ITPR2: variants seen among roughly 807,000 people sequenced by gnomAD.
The protein encoded by ITPR2 is inositol 1,4,5-trisphosphate receptor type 2.
In ITPR2, 207 loss-of-function variants were observed where a neutral mutation model predicts 317.1. The ratio of observed to expected loss-of-function variants is 0.65; its 90% CI spans 0.58 to 0.73. The LOEUF (loss-of-function observed/expected upper bound fraction) is 0.73, where lower values mean the gene tolerates loss of function less well. Ranked by LOEUF, ITPR2 falls within the 30% of genes least tolerant of loss-of-function variation. The probability of loss-of-function intolerance (pLI) is 0.00; values close to 1 mark genes in which losing one functional copy is unlikely to be tolerated. For synonymous variants in ITPR2, 1,156 were observed against 1,149.1 expected, an observed-to-expected ratio of 1.01 and a Z score of -0.12; for missense variants, 2,613 against 3,284.0, an observed-to-expected ratio of 0.80 and a Z score of 4.99.
chr12:26,613,068 A>G (rs904760746), intron 26 of ITPR2, among the ~76,000 whole-genome samples: 1 of 152,160 alleles, frequency 6.6e-6, no homozygotes, highest in Non-Finnish European at 1.5e-5. Flanking sequence ...TCGTTCGTTG[A>G]GGGCAAGTAG....
chr12:26,760,401 A>C (rs1244014026), intron 2 of ITPR2, among the ~76,000 whole-genome samples: 2 of 152,216 alleles, frequency 1.3e-5, no homozygotes, highest in African/African-American at 4.8e-5. Context: ...CCATCATTTT[A>C]CAGTATGTAC....
At position 26,340,134 on chromosome 12, in the gene ITPR2, C is replaced by G. The variant is rs771814238; in HGVS notation, c.8019+33G>C. On this transcript the variant is annotated intron_variant, in intron 56 of 56. Transcript: ENST00000381340. The stretch of plus-strand genomic sequence containing the variant: ...CACCGGAAGTGGTGAATGACTTTAT[C>G]CCACCCAGCCCCATCTCCCTGAATG... 8 of 1,548,266 alleles carry G rather than the reference C, an allele frequency of 5.2e-6. No individual in the cohort carries two copies. In the Admixed American group the frequency reaches 1.3e-4, roughly 26 times the overall value.
chr12:26,492,739 T>C (rs889326043), intron 39 of ITPR2, among the ~76,000 whole-genome samples: 4 of 152,182 alleles, frequency 2.6e-5, no homozygotes, highest in African/African-American at 7.2e-5. Flanking sequence ...TAAGTTTTGG[T>C]GTTCTACTGT....
chr12:26,632,948 G>A (rs10466759), intron 21 of ITPR2, among the ~76,000 whole-genome samples: 126,272 of 152,168 alleles, frequency 0.83, 52,641 homozygotes, highest in East Asian at 0.97. Context: ...AGTTCCCACA[G>A]GAAGCAATAA....
chr12:26,515,524 G>A (rs1004170647), intron 37 of ITPR2, among the ~76,000 whole-genome samples: 15 of 151,964 alleles, frequency 9.9e-5, no homozygotes, highest in African/African-American at 3.6e-4. Context: ...AAAAGAAGGA[G>A]AAGAAAATAA....
intron 45 of ITPR2, among the ~76,000 whole-genome samples, chr12:26,457,860 T>C (rs1264153429): frequency 2.0e-5 from 3 of 152,170 alleles, no homozygotes; most frequent in African/African-American, 7.2e-5. Context: ...ACTTTATGAA[T>C]ATTTACCTCA....
chr12:26,670,296 C>G (rs985269278), intron 13 of ITPR2, among the ~76,000 whole-genome samples: 2 of 152,162 alleles, frequency 1.3e-5, no homozygotes, highest in Non-Finnish European at 2.9e-5. Context: ...TGGGAGGCAC[C>G]CCCCAGTAGG....
intron 37 of ITPR2, among the ~76,000 whole-genome samples, chr12:26,541,357 C>T (rs934996232): frequency 3.3e-5 from 5 of 151,834 alleles, no homozygotes; most frequent in African/African-American, 4.8e-5. Context: ...GTGCACACAA[C>T]CACAATATAC....
intron 19 of ITPR2, 113 bp from the exon 20 acceptor site, chr12:26,655,965 C>G: frequency 9.3e-7 from 1 of 1,070,878 alleles, no homozygotes; most frequent in Non-Finnish European, 1.4e-6. Flanking sequence ...GTTAGCTTTC[C>G]TAGAGGCTGG....
At chr12:26,446,664 T>C (rs1337874265) in intron 45 of ITPR2, among the ~76,000 whole-genome samples, 2 of 147,234 alleles carry the variant, frequency 1.4e-5, no homozygotes, top group African/African-American at 2.5e-5. Context: ...CTCCCTCCCA[T>C]TGACTTAATG....
intron 15 of ITPR2, 141 bp downstream of exon 15, chr12:26,663,544 T>A: frequency 1.3e-6 from 1 of 788,404 alleles, no homozygotes; most frequent in Non-Finnish European, 2.0e-6. Flanking sequence ...TACAAATCAT[T>A]TTTATGTATT....
chr12:26,790,576 C>A (rs962295008), intron 1 of ITPR2, among the ~76,000 whole-genome samples: 8 of 136,572 alleles, frequency 5.9e-5, no homozygotes, highest in African/African-American at 2.3e-4. Flanking sequence ...CAATAAGATA[C>A]ATATATGCTT....
At chr12:26,536,624 G>A (rs1944099563) in intron 37 of ITPR2, among the ~76,000 whole-genome samples, 1 of 152,210 alleles carries the variant, frequency 6.6e-6, no homozygotes, top group Non-Finnish European at 1.5e-5. Flanking sequence ...TACTGCCTGA[G>A]TTAGCAATCA....
chr12:26,577,229 T>C (rs1401121276), intron 34 of ITPR2, among the ~76,000 whole-genome samples: 1 of 152,124 alleles, frequency 6.6e-6, no homozygotes, highest in African/African-American at 2.4e-5. Context: ...TGTCCCTCCA[T>C]AGGAGGGTAG....
intron 56 of ITPR2, 85 bp downstream of exon 56, chr12:26,340,082 T>G: frequency 7.6e-7 from 1 of 1,320,678 alleles, no homozygotes; most frequent in Non-Finnish European, 1.0e-6. Context: ...GATAATGACC[T>G]GGCTCCCTGG....
At chr12:26,801,479 C>G (rs554757321) in intron 1 of ITPR2, among the ~76,000 whole-genome samples, 3 of 152,294 alleles carry the variant, frequency 2.0e-5, no homozygotes, top group Non-Finnish European at 2.9e-5. Context: ...TGCCTGGAAC[C>G]AAGATGCTGA....
intron 26 of ITPR2, among the ~76,000 whole-genome samples, chr12:26,616,893 A>G (rs1435851222): frequency 6.6e-6 from 1 of 152,158 alleles, no homozygotes; most frequent in Non-Finnish European, 1.5e-5. Context: ...ATCCAATTCC[A>G]TTTAATAGAG....
chr12:26,606,544 CTTT>C (rs10701661), intron 26 of ITPR2, among the ~76,000 whole-genome samples: 1 of 143,432 alleles, frequency 7.0e-6, no homozygotes. Flanking sequence ...TAGTTCCTCC[CTTT>C]TTTTTTTTTT....
chr12:26,767,644 T>C (rs1949746799), intron 2 of ITPR2, among the ~76,000 whole-genome samples: 1 of 152,254 alleles, frequency 6.6e-6, no homozygotes, highest in Non-Finnish European at 1.5e-5. Flanking sequence ...ATATATATTT[T>C]AGATAACCAG....
Sources: gnomAD v4.1 joint callset for allele counts (sites outside exome capture counted in the v4.1 genomes callset) on GRCh38, gnomAD v4.1.1 for gene constraint, MANE v1.5 for transcripts, NCBI Gene and HGNC (gene_info 2026-07-23, HGNC 2026-07-21) for gene names.